The following ATAD2B variants were observed in gnomAD, a reference collection of about 807,000 sequenced individuals.
ATAD2B encodes the protein ATPase family AAA domain-containing protein 2B.
Under a neutral mutation model 167.6 loss-of-function variants are expected in ATAD2B, and 40 were observed. The ratio of observed to expected loss-of-function variants is 0.24; its 90% confidence interval spans 0.19 to 0.31. The LOEUF is 0.31. Ranked by LOEUF, ATAD2B falls within the 10% of genes least tolerant of loss-of-function variation. The probability of loss-of-function intolerance (pLI) is 1.00; values close to 1 mark genes in which losing one functional copy is unlikely to be tolerated. For missense variants in ATAD2B, 1,242 were observed against 1,757.2 expected, an observed-to-expected ratio of 0.71 and a Z score of 5.24; for synonymous variants, 579 against 596.5, an observed-to-expected ratio of 0.97 and a Z score of 0.43.
At chr2:23,708,739 G>T in the ATAD2B span, 2 of 152,146 alleles carry the variant, frequency 1.3e-5, no homozygotes, top group Non-Finnish European at 2.9e-5. Flanking sequence ...AGAAAGGATG[G>T]GACTCCATAT....
chr2:23,759,391 G>C (rs1194534513), intron 24 of ATAD2B, among the ~76,000 whole-genome samples: 1 of 152,078 alleles, frequency 6.6e-6, no homozygotes, highest in Non-Finnish European at 1.5e-5. Flanking sequence ...AGACAGAAAG[G>C]AATATGGTCT....
chr2:23,705,842 G>A, the ATAD2B span, among the ~76,000 whole-genome samples: 1 of 152,200 alleles, frequency 6.6e-6, no homozygotes, highest in African/African-American at 2.4e-5. Context: ...GGGAGTCAGT[G>A]CAGAGAGGGG....
intron 1 of ATAD2B, among the ~76,000 whole-genome samples, chr2:23,926,198 C>T (rs747978467): frequency 5.9e-5 from 9 of 152,220 alleles, no homozygotes; most frequent in Non-Finnish European, 7.3e-5. Context: ...TTCTCCAACC[C>T]TTCCACCCAG....
chr2:23,836,101 C>G (rs961059620), intron 13 of ATAD2B, among the ~76,000 whole-genome samples: 1 of 152,018 alleles, frequency 6.6e-6, no homozygotes, highest in African/African-American at 2.4e-5. Flanking sequence ...TCGGCTCACA[C>G]TACCAGCCTG....
intron 25 of ATAD2B, among the ~76,000 whole-genome samples, chr2:23,756,116 G>A (rs1159084182): frequency 1.3e-5 from 2 of 151,876 alleles, no homozygotes; most frequent in African/African-American, 2.4e-5. Context: ...CCACCCATTC[G>A]GCCTCATACC....
At chr2:23,706,434 A>G in the ATAD2B span, 1 of 1,382,170 alleles carries the variant, frequency 7.2e-7, no homozygotes, top group Admixed American at 3.0e-5. Context: ...CTCCAGGGCC[A>G]AGTTGGAAGT....
the ATAD2B span, among the ~76,000 whole-genome samples, chr2:23,737,660 C>T: frequency 3.5e-4 from 54 of 152,294 alleles, 1 homozygote; most frequent in East Asian, 8.3e-3. Flanking sequence ...TCCAAAGGAA[C>T]GCAGCTCCTC....
intron 4 of ATAD2B, 65 bp downstream of exon 4, chr2:23,887,767 T>C: frequency 6.4e-6 from 9 of 1,401,418 alleles, no homozygotes; most frequent in Non-Finnish European, 8.5e-6. Flanking sequence ...TGTTATTTTT[T>C]TAAAACGTAA....
chr2:23,830,547 A>G (rs941840642), intron 14 of ATAD2B, among the ~76,000 whole-genome samples: 3 of 152,204 alleles, frequency 2.0e-5, no homozygotes, highest in African/African-American at 7.2e-5. Context: ...AAACAGAACA[A>G]CTTCAAAGTC....
chr2:23,913,085 C>G (rs1364237760), intron 1 of ATAD2B, among the ~76,000 whole-genome samples: 1 of 152,152 alleles, frequency 6.6e-6, no homozygotes, highest in Non-Finnish European at 1.5e-5. Context: ...CACATTATAA[C>G]CCATCTCTTA....
At chr2:23,820,376 C>T (rs915173201) in intron 16 of ATAD2B, among the ~76,000 whole-genome samples, 7 of 151,924 alleles carry the variant, frequency 4.6e-5, no homozygotes, top group South Asian at 2.1e-4. Context: ...TCAGAAATTC[C>T]GTCAAAGCTA....
At chr2:23,735,051 C>A in the ATAD2B span, among the ~76,000 whole-genome samples, 1 of 152,146 alleles carries the variant, frequency 6.6e-6, no homozygotes, top group Non-Finnish European at 1.5e-5. Context: ...ATTAATATTT[C>A]TAAAATTCTA....
rs775669870 is a variant in ATAD2B at position 23,884,784 on chromosome 2, A to G, written c.765T>C (p.Ser255=). ...SYGIQNHHEV[S]TEGEEEESQE... ...ACAAACCTTCTTCTTCACCCTCAGT[A>G]GAAACTTCATGATGATTTTGTATCC... is the stretch of plus-strand genomic sequence containing the variant. Residue 255 remains serine (S), a synonymous_variant, in exon 6 of 28, where the codon TCT becomes TCC. Transcript: ENST00000238789. 1.0e-5 allele frequency: 16 copies of G among 1,595,812 alleles called. No individual in the cohort carries two copies. The highest frequency in any genetic ancestry group is 1.3e-5 in the Non-Finnish European group (15 of 1,171,190).
intron 13 of ATAD2B, among the ~76,000 whole-genome samples, chr2:23,837,638 C>G (rs1469507799): frequency 6.6e-6 from 1 of 152,248 alleles, no homozygotes; most frequent in African/African-American, 2.4e-5. Flanking sequence ...CTCCAGATGG[C>G]CTGCCGCTGC....
intron 19 of ATAD2B, among the ~76,000 whole-genome samples, chr2:23,796,916 T>G (rs1376175740): frequency 6.6e-6 from 1 of 152,156 alleles, no homozygotes; most frequent in East Asian, 1.9e-4. Context: ...AATACCCTGG[T>G]TTTTCTAACT....
intron 22 of ATAD2B, among the ~76,000 whole-genome samples, chr2:23,782,004 C>T (rs770508364): frequency 6.6e-6 from 1 of 151,940 alleles, no homozygotes; most frequent in Non-Finnish European, 1.5e-5. Context: ...TTTGTAGAGG[C>T]GAGGTTTTGC....
At position 23,844,552 on chromosome 2, in the gene ATAD2B, C is replaced by T. The variant is rs186024481; in HGVS notation, c.1569-10474G>A. 7.7e-4 allele frequency among the ~76,000 whole-genome samples: 117 copies of T among 152,122 alleles called. 2 individuals carry two copies. Among genetic ancestry groups the T allele is most frequent in the Middle Eastern group, 3.4e-3 (1 of 294 alleles). On this transcript the variant is annotated intron_variant, in intron 13 of 27. Coordinates refer to ENST00000238789, the MANE Select transcript of ATAD2B (RefSeq NM_017552.4). ...ACTATATTCCAGATATTGAAAAGTT[C>T]TATATGTATATGTATAGATGAAAAC...
chr2:23,893,652 TA>T (rs1214283502), intron 2 of ATAD2B, among the ~76,000 whole-genome samples: 246 of 78,146 alleles, frequency 3.1e-3, no homozygotes, highest in African/African-American at 7.2e-3. Flanking sequence ...ATGAATAAAC[TA>T]AAAAAAAAAA....
Position 23,903,853 on chromosome 2 carries a change from AG to A in ATAD2B, c.217-7884del, listed in dbSNP as rs143284054. On this transcript the variant is annotated intron_variant, in intron 1 of 27. Coordinates refer to ENST00000238789, the MANE Select transcript of ATAD2B (RefSeq NM_017552.4). ...AAATCAGAAAGAAGAAATTTAGTCCAGAAAACAAAATAACTAGATTAGCGAT... is the reference window on the plus strand; with the variant it reads ...AAATCAGAAAGAAGAAATTTAGTCCAAAAACAAAATAACTAGATTAGCGAT... Among the ~76,000 whole-genome samples, 266 of 152,330 alleles carry A rather than the reference AG, an allele frequency of 1.7e-3. 1 individual carries two copies. The highest frequency in any genetic ancestry group is 2.0e-3 in the Non-Finnish European group (139 of 68,032).
Sources: allele counts gnomAD v4.1 joint callset (sites outside exome capture counted in the v4.1 genomes callset), GRCh38; gene constraint gnomAD v4.1.1; transcripts MANE v1.5; gene names NCBI Gene and HGNC (gene_info 2026-07-23, HGNC 2026-07-21).